Variants in LSM11 observed in about 807,000 individuals in gnomAD.
The protein encoded by LSM11 is U7 snRNA-associated Sm-like protein LSm11.
A neutral mutation model predicts 28.1 loss-of-function variants in LSM11; 14 were observed. That is an observed-to-expected ratio of 0.50 (90% confidence interval 0.33 to 0.78). The LOEUF is 0.78. Ranked by LOEUF, LSM11 falls within the 30% of genes least tolerant of loss-of-function variation. The pLI, the probability that LSM11 is intolerant of heterozygous loss-of-function variation, is 0.02. For missense variants in LSM11, 495 were observed against 510.6 expected, an observed-to-expected ratio of 0.97 and a Z score of 0.30; for synonymous variants, 207 against 214.2, an observed-to-expected ratio of 0.97 and a Z score of 0.30.
At chr5:157,752,266 A>G (rs1259335040) in intron 2 of LSM11, among the ~76,000 whole-genome samples, 1 of 149,412 alleles carries the variant, frequency 6.7e-6, no homozygotes, top group Non-Finnish European at 1.5e-5. Context: ...AGTAGCTGGG[A>G]TTACAGGCCC....
In LSM11 at chr5:157,743,939, C is replaced by G. The variant is rs1761102905; in HGVS notation, c.189C>G (p.Leu63=). ...FNNVAEYESF[L]RTGVRGGGRG... ...ACGTGGCGGAGTACGAGAGCTTCCT[C>G]AGGACCGGAGTCCGGGGCGGCGGGC... The change falls in exon 1 of 4, where the codon CTC becomes CTG. Residue 63 remains leucine, a synonymous_variant. Transcript: ENST00000286307. The G allele has an allele frequency of 6.9e-7, 1 of 1,442,468 alleles. No individual in the cohort carries two copies. The highest frequency in any genetic ancestry group is 9.1e-7 in the Non-Finnish European group (1 of 1,093,094). 89.4% of individuals were successfully genotyped at this position (1,442,468 alleles called of 1,614,324 possible). A position where few individuals can be genotyped will look rare whatever the true frequency, so the allele number is the denominator to read the frequency against.
chr5:157,757,019 AGC>A lies in LSM11; in HGVS notation c.*1756_*1757del, dbSNP rs1761338194. 1 of 152,240 alleles carries A rather than the reference AGC, an allele frequency of 6.6e-6. No individual in the cohort carries two copies. Among genetic ancestry groups the A allele is most frequent in the Non-Finnish European group, 1.5e-5 (1 of 68,166 alleles). The allele number at this position is 152,240 out of a possible 1,614,324, so 9.4% of individuals were successfully genotyped here. On this transcript the variant is annotated 3_prime_UTR_variant, in exon 4 of 4. Coordinates refer to ENST00000286307, the MANE Select transcript of LSM11 (RefSeq NM_173491.4). ...TGTCTCTACTAAAAATACAAAAATT[AGC>A]CGGGCGTGGTGGCGGGCGCCTGTAG...
At position 157,755,974 on chromosome 5, in the gene LSM11, A is replaced by C; in HGVS notation, c.*710A>C. The C allele has an allele frequency of 3.0e-6, 1 of 334,080 alleles. No individual in the cohort carries two copies. The allele number at this position is 334,080 out of a possible 1,614,324, so 20.7% of individuals were successfully genotyped here. A position where few individuals can be genotyped will look rare whatever the true frequency, so the allele number is the denominator to read the frequency against. Reference sequence around the variant, plus strand: ...CAAATGGCATACCAGATGGGACTCTAAGATGCTTGTGTGGTGGCTTCTTGT... The same window carrying C: ...CAAATGGCATACCAGATGGGACTCTCAGATGCTTGTGTGGTGGCTTCTTGT... On this transcript the variant is annotated 3_prime_UTR_variant, in exon 4 of 4. Coordinates refer to ENST00000286307, the MANE Select transcript of LSM11 (RefSeq NM_173491.4).
chr5:157,752,882 C>T (rs1223965413), intron 2 of LSM11, among the ~76,000 whole-genome samples: 1 of 148,730 alleles, frequency 6.7e-6, no homozygotes, highest in Non-Finnish European at 1.5e-5. Flanking sequence ...CCAGAGCTTT[C>T]TGGTGTTTCT....
intron 1 of LSM11, among the ~76,000 whole-genome samples, chr5:157,744,612 A>G (rs560761909): frequency 1.2e-4 from 18 of 152,188 alleles, no homozygotes; most frequent in South Asian, 2.1e-4. Context: ...AGGGACGTCT[A>G]CAGAGGTGAT....
intron 1 of LSM11, among the ~76,000 whole-genome samples, chr5:157,749,586 G>A (rs13169406): frequency 0.36 from 53,780 of 149,406 alleles, 9,678 homozygotes; most frequent in East Asian, 0.53. Context: ...GCGCGCACGC[G>A]CGCACACACA....
In LSM11 at chr5:157,743,761, G is replaced by A. The variant is rs778491893; in HGVS notation, c.11G>A (p.Arg4Gln). ...GCGGGCCTTTCAAACATGGAGGAGC[G>A]GGAGCGGGGGGCGAGGTCGGCTGGC... MEE[R>Q]ERGARSAGAG... is the part of the protein sequence containing the mutation. Residue 4 changes from arginine to glutamine, a missense_variant, in exon 1 of 4, where the codon CGG becomes CAG. By Grantham distance (43) the Arg-to-Gln change is conservative. Transcript: ENST00000286307. The A allele has an allele frequency of 4.8e-5, 67 of 1,399,798 alleles. No individual in the cohort carries two copies. In the East Asian group the frequency reaches 1.8e-3, roughly 37 times the overall value. 86.7% of individuals were successfully genotyped at this position (1,399,798 alleles called of 1,614,324 possible).
intron 1 of LSM11, among the ~76,000 whole-genome samples, chr5:157,749,959 G>A (rs976047751): frequency 6.6e-6 from 1 of 152,194 alleles, no homozygotes; most frequent in South Asian, 2.1e-4. Context: ...CAAAGCAGGA[G>A]AGATTTTTCA....
At position 157,749,876 on chromosome 5, in the gene LSM11, G is replaced by T. The variant is rs551277365; in HGVS notation, c.449-1514G>T. ...CCAATCCATGACAGAGGGATAAGGT[G>T]GCTTCAGGAGGAACCAATTTAGTTA... On this transcript the variant is annotated intron_variant, in intron 1 of 3. Coordinates refer to ENST00000286307, the MANE Select transcript of LSM11 (RefSeq NM_173491.4). Among the ~76,000 whole-genome samples the T allele has an allele frequency of 2.0e-5, 3 of 152,264 alleles. No individual in the cohort carries two copies. The South Asian group carries it at 6.2e-4, about 32-fold the overall frequency.
intron 1 of LSM11, chr5:157,747,413 G>T (rs1477762364): frequency 5.5e-6 from 1 of 180,734 alleles, no homozygotes; most frequent in East Asian, 1.5e-4. Context: ...AAATGCATAT[G>T]ACATGCAGGG....
intron 3 of LSM11, among the ~76,000 whole-genome samples, chr5:157,754,640 T>G (rs1761293358): frequency 7.3e-6 from 1 of 137,016 alleles, no homozygotes; most frequent in African/African-American, 2.8e-5. Context: ...CGCAGTGAGC[T>G]GAGATCGCAC....
At chr5:157,750,346 A>G (rs147183597) in intron 1 of LSM11, among the ~76,000 whole-genome samples, 8 of 152,334 alleles carry the variant, frequency 5.3e-5, no homozygotes, top group Non-Finnish European at 8.8e-5. Flanking sequence ...TAAAAATAAA[A>G]TTCATCTTTC....
chr5:157,752,247 C>T (rs913456139), intron 2 of LSM11, among the ~76,000 whole-genome samples: 3 of 151,116 alleles, frequency 2.0e-5, no homozygotes, highest in Admixed American at 6.6e-5. Flanking sequence ...CTGCAACCTC[C>T]GCCTCCTGAG....
chr5:157,749,043 T>C (rs1350128192), intron 1 of LSM11, among the ~76,000 whole-genome samples: 1 of 152,206 alleles, frequency 6.6e-6, no homozygotes, highest in African/African-American at 2.4e-5. Flanking sequence ...GCTAGTGTCG[T>C]ACTTTTGATC....
chr5:157,756,405 G>A lies in LSM11; in HGVS notation c.*1141G>A, dbSNP rs1169820803. ...ATTCTGTGCTTTTTCAATCACTAGT[G>A]CAGAATAGGCTGCATTTGACACAGA... On this transcript the variant is annotated 3_prime_UTR_variant, in exon 4 of 4. Transcript: ENST00000286307. 2.0e-5 allele frequency: 3 copies of A among 152,594 alleles called. No homozygotes were observed. The highest frequency in any genetic ancestry group is 4.4e-5 in the Non-Finnish European group (3 of 68,038). 9.5% of individuals were successfully genotyped at this position (152,594 alleles called of 1,614,324 possible). A position where few individuals can be genotyped will look rare whatever the true frequency, so the allele number is the denominator to read the frequency against.
rs751404052 is a variant in LSM11, at chr5:157,743,874, C to T, written c.124C>T (p.Leu42=). ...DPLLALYAPR[L]PPIPYPNAPC... The stretch of plus-strand genomic sequence containing the variant: ...GCTGCTGGCCCTGTACGCGCCCCGC[C>T]TGCCTCCCATTCCCTACCCCAATGC... The change falls in exon 1 of 4, where the codon CTG becomes TTG. Residue 42 remains leucine, a synonymous_variant. Transcript: ENST00000286307. 36 of 1,559,654 alleles carry T rather than the reference C, an allele frequency of 2.3e-5. No individual in the cohort carries two copies. Among genetic ancestry groups the T allele is most frequent in the Non-Finnish European group, 2.9e-5 (34 of 1,155,170 alleles).
rs1036152913 is a variant in LSM11 at position 157,760,423 on chromosome 5, C to G, written c.*5159C>G. The stretch of plus-strand genomic sequence containing the variant: ...TGACATCTAAAGACATCAGCCTTCT[C>G]TTTGGCAACCCTGGGGATACTCCTC... On this transcript the variant is annotated 3_prime_UTR_variant, in exon 4 of 4. Transcript: ENST00000286307. 1 of 152,212 alleles carries G rather than the reference C, an allele frequency of 6.6e-6. No individual in the cohort carries two copies. Among genetic ancestry groups the G allele is most frequent in the East Asian group, 1.9e-4 (1 of 5,204 alleles). The allele number at this position is 152,212 out of a possible 1,614,324, so 9.4% of individuals were successfully genotyped here.
intron 1 of LSM11, among the ~76,000 whole-genome samples, chr5:157,744,803 A>G (rs1044260427): frequency 6.6e-6 from 1 of 152,204 alleles, no homozygotes; most frequent in African/African-American, 2.4e-5. Flanking sequence ...ACCCCTGTAC[A>G]TTGACAGCTC....
chr5:157,752,929 C>T (rs1241868521), intron 2 of LSM11, among the ~76,000 whole-genome samples: 1 of 151,810 alleles, frequency 6.6e-6, no homozygotes, highest in African/African-American at 2.4e-5. Flanking sequence ...TTTCCTTTTC[C>T]CTGTGCTTTA....
Sources: gnomAD v4.1 joint callset for allele counts (sites outside exome capture counted in the v4.1 genomes callset) on GRCh38, gnomAD v4.1.1 for gene constraint, MANE v1.5 for transcripts, NCBI Gene and HGNC (gene_info 2026-07-23, HGNC 2026-07-21) for gene names.